Variants in ADAMTS2 observed in about 807,000 individuals in gnomAD.
ADAMTS2 encodes ADAM metallopeptidase with thrombospondin type 1 motif 2, also known as A disintegrin and metalloproteinase with thrombospondin motifs 2.
ADAMTS2 carries 50 observed loss-of-function variants against 123.0 expected under a neutral mutation model. The observed-to-expected ratio is 0.41, with a 90% CI of 0.32 to 0.51. The LOEUF (loss-of-function observed/expected upper bound fraction) is 0.51. ADAMTS2 is among the 20% of genes least tolerant of loss of function. The probability of loss-of-function intolerance (pLI) is 0.35; values close to 1 mark genes in which losing one functional copy is unlikely to be tolerated. For synonymous variants in ADAMTS2, 678 were observed against 695.4 expected (o/e 0.98, Z 0.39); for missense variants, 1,494 against 1,705.2 (o/e 0.88, Z 2.18).
At chr5:179,294,294 G>A (rs890145544) in intron 2 of ADAMTS2, among the ~76,000 whole-genome samples, 1 of 152,198 alleles carries the variant, frequency 6.6e-6, no homozygotes, top group African/African-American at 2.4e-5. Context: ...GAAAGATGTT[G>A]ATGAAGGCAC....
rs1215106005 is a variant in ADAMTS2 at position 179,189,818 on chromosome 5, T to TG, written c.892-8664dup. ...AATATTACTAAGTATCTTCTTAAGT[T>TG]GGGGGGAGAGAATATTACAAAGTAT... is the stretch of plus-strand genomic sequence containing the variant. On this transcript the variant is annotated intron_variant, in intron 4 of 21. Transcript: ENST00000251582. This position sits in a 1 kb window ranked among gnomAD's most constrained non-coding sequence, Gnocchi z 4.2. Among the ~76,000 whole-genome samples, 73 of 88,940 alleles carry TG rather than the reference T, an allele frequency of 8.2e-4. No individual in the cohort carries two copies. Among genetic ancestry groups the TG allele is most frequent in the Non-Finnish European group, 1.4e-3 (63 of 45,514 alleles). The allele number at this position is 88,940 out of a possible 152,430, so 58.3% of individuals were successfully genotyped here.
At position 179,242,375 on chromosome 5, in the gene ADAMTS2, C is replaced by T. The variant is rs1473543709; in HGVS notation, c.688+30536G>A. On this transcript the variant is annotated intron_variant, in intron 3 of 21. Coordinates refer to ENST00000251582, the MANE Select transcript of ADAMTS2 (RefSeq NM_014244.5). This position sits in a 1 kb window ranked among gnomAD's most constrained non-coding sequence, Gnocchi z 4.2. Reference sequence around the variant, plus strand: ...TGACATATCCAGTGTCTTCTACCTTCCTTATTGCTGTGGCCCTTTAAAAAA... The same window carrying T: ...TGACATATCCAGTGTCTTCTACCTTTCTTATTGCTGTGGCCCTTTAAAAAA... 6.6e-6 allele frequency among the ~76,000 whole-genome samples: 1 copy of T among 152,114 alleles called. No homozygotes were observed. Among genetic ancestry groups the T allele is most frequent in the African/African-American group, 2.4e-5 (1 of 41,418 alleles).
chr5:179,127,756 C>T (rs1255976993), intron 17 of ADAMTS2, among the ~76,000 whole-genome samples: 1 of 152,120 alleles, frequency 6.6e-6, no homozygotes, highest in Non-Finnish European at 1.5e-5. Flanking sequence ...ACCCTTTGGC[C>T]ACATTTGACC....
chr5:179,265,414 G>A (rs1766341497), intron 3 of ADAMTS2, among the ~76,000 whole-genome samples: 1 of 152,216 alleles, frequency 6.6e-6, no homozygotes, highest in Non-Finnish European at 1.5e-5. Flanking sequence ...CGTGGGGGCT[G>A]TCAGGCGGAG....
chr5:179,145,441 T>A (rs767567426), intron 10 of ADAMTS2, among the ~76,000 whole-genome samples: 1 of 152,174 alleles, frequency 6.6e-6, no homozygotes, highest in Non-Finnish European at 1.5e-5. Context: ...GTATTTCCCA[T>A]CATTACCGAA....
chr5:179,255,873 T>A (rs1163154433), intron 3 of ADAMTS2, among the ~76,000 whole-genome samples: 2 of 151,846 alleles, frequency 1.3e-5, no homozygotes, highest in African/African-American at 2.4e-5. Flanking sequence ...AGCCCTGGAG[T>A]GTGTGACACA....
intron 3 of ADAMTS2, among the ~76,000 whole-genome samples, chr5:179,208,811 C>T (rs536303160): frequency 2.6e-5 from 4 of 152,300 alleles, no homozygotes; most frequent in Non-Finnish European, 5.9e-5. Flanking sequence ...GCCCCAGGGT[C>T]TCCATGGCAT....
At chr5:179,207,475 T>TCCCCCCCCCCCCCCCCCCCCCCCC in intron 4 of ADAMTS2, 38 bp downstream of exon 4, 8 of 588,608 alleles carry the variant, frequency 1.4e-5, no homozygotes, top group South Asian at 3.1e-5. Context: ...TGGTTGACCC[T>TCCCCCCCCCCCCCCCCCCCCCCCC]CCCCGCCCCA....
intron 10 of ADAMTS2, among the ~76,000 whole-genome samples, chr5:179,151,856 C>T (rs1013452800): frequency 3.3e-5 from 5 of 152,164 alleles, no homozygotes; most frequent in African/African-American, 1.2e-4. Context: ...CGAAGGCTGC[C>T]AGGACCCCAG....
intron 21 of ADAMTS2, 44 bp downstream of exon 21, chr5:179,121,617 C>A (rs568030398): frequency 8.6e-6 from 13 of 1,510,640 alleles, no homozygotes; most frequent in African/African-American, 6.9e-5. Flanking sequence ...GGGCGCAGGG[C>A]ATGCACTGGA....
Position 179,136,182 on chromosome 5 carries a change from G to T in ADAMTS2, c.1952-140C>A. The stretch of plus-strand genomic sequence containing the variant: ...CCAGGGCAGACAGAGAGGGAAAGGG[G>T]TGGGTGACAGCAGCCCCCTTCCTGT... On this transcript the variant is annotated intron_variant, in intron 12 of 21. Transcript: ENST00000251582. The T allele has an allele frequency of 4.1e-6, 5 of 1,218,132 alleles. No homozygotes were observed. The South Asian group carries it at 5.0e-5, about 12-fold the overall frequency. 75.5% of individuals were successfully genotyped at this position (1,218,132 alleles called of 1,614,324 possible). A position where few individuals can be genotyped will look rare whatever the true frequency, so the allele number is the denominator to read the frequency against.
Position 179,170,530 on chromosome 5 carries a change from A to G in ADAMTS2, c.975+10542T>C, listed in dbSNP as rs1763794677. On this transcript the variant is annotated intron_variant, in intron 5 of 21. Transcript: ENST00000251582. The surrounding 1 kb of genome is among the most constrained non-coding windows in gnomAD (Gnocchi z 4.3). ...CTTGAAGAGCAGCTCATCAGAATTC[A>G]TCCCCACCATGTGCCAAACTTTGTC... is the stretch of plus-strand genomic sequence containing the variant. Among the ~76,000 whole-genome samples, 2 of 152,014 alleles carry G rather than the reference A, an allele frequency of 1.3e-5. No homozygotes were observed. The highest frequency in any genetic ancestry group is 2.9e-5 in the Non-Finnish European group (2 of 67,996).
Position 179,308,714 on chromosome 5 carries a change from T to C in ADAMTS2, c.534+35053A>G, listed in dbSNP as rs1047277869. ...CTAAGGTGGTGTCCCAGCAGATGAA[T>C]CTGGCTGGCGTCCTGAGTGGAAGCA... On this transcript the variant is annotated intron_variant, in intron 2 of 21. Coordinates refer to ENST00000251582, the MANE Select transcript of ADAMTS2 (RefSeq NM_014244.5). The surrounding 1 kb of genome is among the most constrained non-coding windows in gnomAD (Gnocchi z 6.6). Among the ~76,000 whole-genome samples the C allele has an allele frequency of 4.6e-5, 7 of 152,194 alleles. No homozygotes were observed. The highest frequency in any genetic ancestry group is 1.7e-4 in the African/African-American group (7 of 41,452).
intron 2 of ADAMTS2, among the ~76,000 whole-genome samples, chr5:179,321,925 G>A (rs1315673711): frequency 6.6e-6 from 1 of 152,166 alleles, no homozygotes; most frequent in Non-Finnish European, 1.5e-5. Flanking sequence ...AGTAGATTAT[G>A]CTGCCTCTAT....
intron 4 of ADAMTS2, among the ~76,000 whole-genome samples, chr5:179,192,336 C>T (rs568821395): frequency 5.9e-5 from 9 of 152,228 alleles, no homozygotes; most frequent in African/African-American, 2.2e-4. Flanking sequence ...TCCCTGAAAG[C>T]GCAGTCATGC....
intron 2 of ADAMTS2, among the ~76,000 whole-genome samples, chr5:179,302,856 T>C (rs1756570017): frequency 6.9e-6 from 1 of 145,122 alleles, no homozygotes; most frequent in Admixed American, 7.0e-5. Context: ...GGACCCGAGG[T>C]CAGAACAGAC....
Position 179,332,858 on chromosome 5 carries a change from C to T in ADAMTS2, c.534+10909G>A, listed in dbSNP as rs142782888. ...CACCAAGGAGGATGCCTACCACTGC[C>T]CCCACCTTGCCCTGATCAGGTCTGC... On this transcript the variant is annotated intron_variant, in intron 2 of 21. Coordinates refer to ENST00000251582, the MANE Select transcript of ADAMTS2 (RefSeq NM_014244.5). The surrounding 1 kb of genome is among the most constrained non-coding windows in gnomAD (Gnocchi z 4.2). Among the ~76,000 whole-genome samples, 371 of 152,266 alleles carry T rather than the reference C, an allele frequency of 2.4e-3. 1 individual carries two copies. Among genetic ancestry groups the T allele is most frequent in the African/African-American group, 8.5e-3 (352 of 41,566 alleles).
chr5:179,327,991 C>T (rs767541159), intron 2 of ADAMTS2, among the ~76,000 whole-genome samples: 7 of 152,132 alleles, frequency 4.6e-5, no homozygotes, highest in African/African-American at 7.2e-5. Flanking sequence ...TATCTGGGAA[C>T]GCAAACATGG....
chr5:179,182,038 C>A (rs570433001), intron 4 of ADAMTS2, among the ~76,000 whole-genome samples: 1 of 152,158 alleles, frequency 6.6e-6, no homozygotes, highest in African/African-American at 2.4e-5. Flanking sequence ...CTGTCACCTC[C>A]TTTGTTGGTT....
Sources: allele counts gnomAD v4.1 joint callset (sites outside exome capture counted in the v4.1 genomes callset), GRCh38; gene constraint gnomAD v4.1.1; non-coding constraint Gnocchi (gnomAD v3.1); transcripts MANE v1.5; gene names NCBI Gene and HGNC (gene_info 2026-07-23, HGNC 2026-07-21).